Variants in ITSN1 observed in about 807,000 individuals in gnomAD.
The protein encoded by ITSN1 is intersectin-1.
In ITSN1, 58 loss-of-function variants were observed where a neutral mutation model predicts 239.8. That is an observed-to-expected ratio of 0.24 (90% CI 0.20 to 0.30). The LOEUF is 0.30. Among genes scored for constraint, ITSN1 ranks in the 10% least tolerant of loss-of-function variants. The probability of loss-of-function intolerance (pLI) is 1.00; values close to 1 mark genes in which losing one functional copy is unlikely to be tolerated. For synonymous variants in ITSN1, 780 were observed against 770.8 expected, an observed-to-expected ratio of 1.01 and a Z score of -0.20; for missense variants, 1,558 against 2,103.3, an observed-to-expected ratio of 0.74 and a Z score of 5.07.
chr21:33,782,138 C>G lies in ITSN1; in HGVS notation c.1824+5C>G, dbSNP rs1414676682. On this transcript the variant is annotated splice_donor_5th_base_variant and intron_variant, in intron 16 of 39. Transcript: ENST00000381318. ...ATTTTCAATAATCAGCTGAAGGTAACTCTTCTATGTGTGCCTGCATGTGTG... is the reference window on the plus strand; with the variant it reads ...ATTTTCAATAATCAGCTGAAGGTAAGTCTTCTATGTGTGCCTGCATGTGTG... 6.2e-7 allele frequency: 1 copy of G among 1,613,064 alleles called. No homozygotes were observed. Among genetic ancestry groups the G allele is most frequent in the Non-Finnish European group, 8.5e-7 (1 of 1,179,548 alleles).
At chr21:33,799,650 G>A (rs1289085442) in intron 18 of ITSN1, among the ~76,000 whole-genome samples, 158 bp from the exon 19 acceptor site, 1 of 152,134 alleles carries the variant, frequency 6.6e-6, no homozygotes, top group Non-Finnish European at 1.5e-5. Context: ...CTGTGCTTTG[G>A]CATTCAGTAT....
At chr21:33,659,705 C>CTTTTTTTTTTTTTTTTTTTTTTTTTT (rs71194859) in intron 1 of ITSN1, among the ~76,000 whole-genome samples, 1 of 76,608 alleles carries the variant, frequency 1.3e-5, no homozygotes, top group African/African-American at 5.6e-5. Context: ...GCAGCCTGTA[C>CTTTTTTTTTTTTTTTTTTTTTTTTTT]TTTTTTTTTT....
chr21:33,847,959 G>A (rs2075036012), intron 29 of ITSN1, among the ~76,000 whole-genome samples: 1 of 152,222 alleles, frequency 6.6e-6, no homozygotes, highest in South Asian at 2.1e-4. Flanking sequence ...CTGGGGTACA[G>A]CAGGGGCACT....
chr21:33,725,133 GTTTTTT>G (rs1171718411), intron 4 of ITSN1, among the ~76,000 whole-genome samples: 4 of 91,154 alleles, frequency 4.4e-5, no homozygotes, highest in African/African-American at 1.9e-4. Context: ...TTTTTTTTTT[GTTTTTT>G]TTTTTTTTTT....
chr21:33,785,578 C>T (rs2070596099), intron 16 of ITSN1, among the ~76,000 whole-genome samples: 1 of 152,152 alleles, frequency 6.6e-6, no homozygotes, highest in Non-Finnish European at 1.5e-5. Flanking sequence ...TTCCTTCCTT[C>T]CCTACCCAAA....
chr21:33,800,781 T>G (rs540471193), intron 19 of ITSN1, among the ~76,000 whole-genome samples: 16 of 150,808 alleles, frequency 1.1e-4, no homozygotes, highest in South Asian at 1.0e-3. Flanking sequence ...GCATTACTCT[T>G]AACATTTTTT....
chr21:33,695,783 ACTT>A (rs1159904444), intron 1 of ITSN1, among the ~76,000 whole-genome samples: 3 of 152,266 alleles, frequency 2.0e-5, no homozygotes, highest in Admixed American at 1.3e-4. Context: ...TCTTTTCTGT[ACTT>A]TAATGGTGCA....
At chr21:33,817,541 C>T (rs1317211812) in intron 22 of ITSN1, 19 of 1,304,206 alleles carry the variant, frequency 1.5e-5, no homozygotes, top group Non-Finnish European at 1.8e-5. Flanking sequence ...CCAGGTGGTA[C>T]ACTTGGTTGT....
chr21:33,766,058 A>G, intron 10 of ITSN1, 46 bp downstream of exon 10: 3 of 1,603,904 alleles, frequency 1.9e-6, no homozygotes, highest in Non-Finnish European at 2.6e-6. Context: ...GGAGTATATG[A>G]ATTCCAAACT....
intron 1 of ITSN1, among the ~76,000 whole-genome samples, chr21:33,659,217 A>C (rs2089347133): frequency 6.6e-6 from 1 of 152,200 alleles, no homozygotes; most frequent in Admixed American, 6.5e-5. Context: ...ATGTGCAGAA[A>C]GGTGAGTGCC....
chr21:33,894,310 G>GAGCC lies in ITSN1; in HGVS notation c.*6012_*6015dup, dbSNP rs1986561443. 6.6e-6 allele frequency: 1 copy of GAGCC among 152,166 alleles called. No individual in the cohort carries two copies. Among genetic ancestry groups the GAGCC allele is most frequent in the East Asian group, 1.9e-4 (1 of 5,196 alleles). 9.4% of individuals were successfully genotyped at this position (152,166 alleles called of 1,614,324 possible). On this transcript the variant is annotated 3_prime_UTR_variant, in exon 40 of 40. Coordinates refer to ENST00000381318, the MANE Select transcript of ITSN1 (RefSeq NM_003024.3). ...AACCCTCTTTACCCTGGCCCTGGGG[G>GAGCC]AGCCATATTACACCCACATCATAAT... is the stretch of plus-strand genomic sequence containing the variant.
chr21:33,647,553 T>G (rs915957330), intron 1 of ITSN1, among the ~76,000 whole-genome samples: 1 of 152,308 alleles, frequency 6.6e-6, no homozygotes, highest in African/African-American at 2.4e-5. Flanking sequence ...TGGTGTATAG[T>G]GGCTCAATCT....
At chr21:33,858,327 G>A (rs149789628) in intron 30 of ITSN1, among the ~76,000 whole-genome samples, 220 of 152,310 alleles carry the variant, frequency 1.4e-3, no homozygotes, top group Non-Finnish European at 2.5e-3. Flanking sequence ...TTTAAGCCCC[G>A]CTTTTCACAC....
At chr21:33,795,676 G>A (rs2071492856) in intron 17 of ITSN1, among the ~76,000 whole-genome samples, 2 of 151,972 alleles carry the variant, frequency 1.3e-5, no homozygotes, top group South Asian at 4.2e-4. Context: ...CTCCTTGGAT[G>A]TTGATTAACT....
At chr21:33,779,327 A>T (rs1417956862) in intron 14 of ITSN1, among the ~76,000 whole-genome samples, 1 of 152,170 alleles carries the variant, frequency 6.6e-6, no homozygotes, top group Non-Finnish European at 1.5e-5. Context: ...ATGTCCATCT[A>T]AACACTGACA....
At position 33,755,355 on chromosome 21, in the gene ITSN1, TTA is replaced by T; in HGVS notation, c.684_685del (p.Leu228PhefsTer3). The T allele has an allele frequency of 6.2e-7, 1 of 1,610,572 alleles. No individual in the cohort carries two copies. Among genetic ancestry groups the T allele is most frequent in the Non-Finnish European group, 8.5e-7 (1 of 1,177,700 alleles). ...PQSSRLKYRQ[L>X]FNSHDKTMSG... is the part of the protein sequence containing the mutation. ...GTCATCAAGACTGAAATACAGGCAA[TTA>T]TTCAATAGTCATGACAAAACTATGA... On this transcript the variant is annotated frameshift_variant, in exon 8 of 40. Transcript: ENST00000381318. LOFTEE classifies it high-confidence loss of function.
At chr21:33,727,050 C>G (rs559993774) in intron 4 of ITSN1, among the ~76,000 whole-genome samples, 2 of 152,038 alleles carry the variant, frequency 1.3e-5, no homozygotes, top group Non-Finnish European at 2.9e-5. Flanking sequence ...CTCCTTGTCT[C>G]TCCTGGCTGA....
intron 1 of ITSN1, among the ~76,000 whole-genome samples, chr21:33,666,739 A>G (rs143372791): frequency 6.6e-6 from 1 of 152,340 alleles, no homozygotes; most frequent in East Asian, 1.9e-4. Flanking sequence ...GACCTTTTCA[A>G]AGGGTCTGCA....
chr21:33,855,499 C>A (rs948306815), intron 29 of ITSN1, among the ~76,000 whole-genome samples: 5 of 152,262 alleles, frequency 3.3e-5, no homozygotes, highest in African/African-American at 1.2e-4. Context: ...TCTTCCAAGT[C>A]TGGCTTCTGT....
Sources: gnomAD v4.1 joint callset for allele counts (sites outside exome capture counted in the v4.1 genomes callset) on GRCh38, gnomAD v4.1.1 for gene constraint, MANE v1.5 for transcripts, NCBI Gene and HGNC (gene_info 2026-07-23, HGNC 2026-07-21) for gene names.